CHST13: variants seen among roughly 807,000 people sequenced by gnomAD.
CHST13 encodes the protein C4ST-3.
A neutral mutation model predicts 7.0 loss-of-function variants in CHST13; 1 was observed. The observed-to-expected ratio is 0.14, with a 90% confidence interval of 0.05 to 0.68. CHST13 has a LOEUF of 0.68. Ranked by LOEUF, CHST13 falls within the 30% of genes least tolerant of loss-of-function variation. The probability of loss-of-function intolerance (pLI) is 0.82; values close to 1 mark genes in which losing one functional copy is unlikely to be tolerated. For synonymous variants in CHST13, 257 were observed against 240.9 expected (o/e 1.07, Z -0.62); for missense variants, 572 against 507.9 (o/e 1.13, Z -1.21).
At chr3:126,536,905 AC>A (rs1936806699) in intron 2 of CHST13, among the ~76,000 whole-genome samples, 2 of 150,568 alleles carry the variant, frequency 1.3e-5, no homozygotes, top group African/African-American at 4.9e-5. Context: ...AAACACACAC[AC>A]ACACACACAC....
Position 126,542,329 on chromosome 3 carries a change from C to A in CHST13, c.777C>A (p.Leu259=), listed in dbSNP as rs778097791. Residue 259 remains leucine (L), a synonymous_variant, in exon 3 of 3, where the codon CTC becomes CTA. Transcript: ENST00000319340. ...ACGCGCTCTGCCACCCGTGTCGCCT[C>A]CGCTACGACGTCGTGGGCAAGTTCG... ...RAHALCHPCR[L]RYDVVGKFET... is the part of the protein sequence containing the mutation. The A allele has an allele frequency of 6.4e-7, 1 of 1,567,992 alleles. No homozygotes were observed. Among genetic ancestry groups the A allele is most frequent in the East Asian group, 2.4e-5 (1 of 41,018 alleles).
chr3:126,534,714 G>A (rs1362681139), intron 1 of CHST13, among the ~76,000 whole-genome samples: 4 of 119,650 alleles, frequency 3.3e-5, no homozygotes, highest in African/African-American at 9.7e-5. Flanking sequence ...CCTCAGCCGG[G>A]AGACAGACAG....
chr3:126,532,649 A>G lies in CHST13; in HGVS notation c.98-3622A>G, dbSNP rs189014609. The stretch of plus-strand genomic sequence containing the variant: ...CTATATGTCTCTCCTAGCCAGCACC[A>G]CACAGTCTTGATTATTGTGGCTGTA... On this transcript the variant is annotated intron_variant, in intron 1 of 2. Coordinates refer to ENST00000319340, the MANE Select transcript of CHST13 (RefSeq NM_152889.3). Among the ~76,000 whole-genome samples the G allele has an allele frequency of 1.1e-3, 169 of 152,330 alleles. No individual in the cohort carries two copies. The Middle Eastern group carries it at 0.041, about 37-fold the overall frequency.
Position 126,542,443 on chromosome 3 carries a change from C to G in CHST13, c.891C>G (p.Ala297=), listed in dbSNP as rs1320604531. 1 of 1,559,758 alleles carries G rather than the reference C, an allele frequency of 6.4e-7. No individual in the cohort carries two copies. Among genetic ancestry groups the G allele is most frequent in the Non-Finnish European group, 8.7e-7 (1 of 1,155,142 alleles). Residue 297 remains alanine, a synonymous_variant, in exon 3 of 3, where the codon GCC becomes GCG. Transcript: ENST00000319340. ...SFPGPPRPRG[A]AASRDLAARL... is the part of the protein sequence containing the mutation. ...CTGGGCCGCCGCGGCCCCGGGGAGC[C>G]GCCGCCTCCCGCGACCTGGCAGCGC...
chr3:126,542,430 G>A lies in CHST13; in HGVS notation c.878G>A (p.Arg293Gln), dbSNP rs750305343. The A allele has an allele frequency of 1.3e-6, 2 of 1,555,202 alleles. No homozygotes were observed. Among genetic ancestry groups the A allele is most frequent in the East Asian group, 5.0e-5 (2 of 39,636 alleles). The change falls in exon 3 of 3, where the codon CGG becomes CAG. Residue 293 changes from arginine (R) to glutamine (Q), a missense_variant. Arg to Gln is a conservative substitution (Grantham distance 43). Transcript: ENST00000319340. ...ASDLSFPGPPRPRGAAASRDL... is the reference protein window; with the variant it reads ...ASDLSFPGPPQPRGAAASRDL... Reference sequence around the variant, plus strand: ...GACCTGAGCTTCCCTGGGCCGCCGCGGCCCCGGGGAGCCGCCGCCTCCCGC... The same window carrying A: ...GACCTGAGCTTCCCTGGGCCGCCGCAGCCCCGGGGAGCCGCCGCCTCCCGC...
intron 1 of CHST13, among the ~76,000 whole-genome samples, chr3:126,532,726 T>C (rs1936683676): frequency 1.3e-5 from 2 of 152,242 alleles, no homozygotes; most frequent in Non-Finnish European, 2.9e-5. Flanking sequence ...TGTTCTTTTT[T>C]GAGATTCTTT....
intron 1 of CHST13, 23 bp from the exon 2 acceptor site, chr3:126,536,248 C>T: frequency 1.2e-6 from 2 of 1,608,858 alleles, no homozygotes; most frequent in Non-Finnish European, 1.7e-6. Flanking sequence ...ATGGTGGCGA[C>T]ATCTCTCTCC....
At chr3:126,524,761 C>A (rs995378147) in intron 1 of CHST13, among the ~76,000 whole-genome samples, 1 of 152,194 alleles carries the variant, frequency 6.6e-6, no homozygotes, top group African/African-American at 2.4e-5. Flanking sequence ...ACCTTCACCC[C>A]CTTCCCCTGC....
At chr3:126,540,422 G>C (rs565123572) in intron 2 of CHST13, among the ~76,000 whole-genome samples, 1 of 152,302 alleles carries the variant, frequency 6.6e-6, no homozygotes, top group Admixed American at 6.5e-5. Flanking sequence ...AGTTCACTCA[G>C]GTTCTAGTTT....
intron 1 of CHST13, chr3:126,527,116 C>T (rs902861609): frequency 6.6e-6 from 1 of 152,362 alleles, no homozygotes; most frequent in Non-Finnish European, 1.5e-5. Flanking sequence ...ACTCCCGCGG[C>T]TGCAGGGCTG....
intron 1 of CHST13, among the ~76,000 whole-genome samples, chr3:126,534,013 G>A (rs1936712196): frequency 6.6e-6 from 1 of 152,112 alleles, no homozygotes; most frequent in Non-Finnish European, 1.5e-5. Context: ...GGCTACAATT[G>A]TTCAGAGTTC....
In CHST13 at chr3:126,539,626, C is replaced by G. The variant is rs867110351; in HGVS notation, c.181-2107C>G. Among the ~76,000 whole-genome samples the G allele has an allele frequency of 2.1e-4, 30 of 142,752 alleles. No individual in the cohort carries two copies. In the Middle Eastern group the frequency reaches 0.012, roughly 56 times the overall value. 93.7% of individuals were successfully genotyped at this position (142,752 alleles called of 152,430 possible). ...CACACTCCACACCACACACACAGCACACACACACCCCACACACCACACACA... is the reference window on the plus strand; with the variant it reads ...CACACTCCACACCACACACACAGCAGACACACACCCCACACACCACACACA... On this transcript the variant is annotated intron_variant, in intron 2 of 2. Coordinates refer to ENST00000319340, the MANE Select transcript of CHST13 (RefSeq NM_152889.3).
chr3:126,535,511 G>T (rs376024303), intron 1 of CHST13, among the ~76,000 whole-genome samples: 13,971 of 145,516 alleles, frequency 0.096, 1,186 homozygotes, highest in African/African-American at 0.22. Flanking sequence ...CAGTATCGCT[G>T]TCCTCAGCCG....
At chr3:126,532,582 T>C (rs1160212302) in intron 1 of CHST13, among the ~76,000 whole-genome samples, 1 of 152,234 alleles carries the variant, frequency 6.6e-6, no homozygotes, top group African/African-American at 2.4e-5. Flanking sequence ...TGACCACAAA[T>C]GTAAGGGTTT....
At chr3:126,536,881 TCACACACACACACAAACA>T (rs1936804277) in intron 2 of CHST13, among the ~76,000 whole-genome samples, 1 of 117,808 alleles carries the variant, frequency 8.5e-6, no homozygotes, top group African/African-American at 3.9e-5. Flanking sequence ...TCTCTCTTTC[TCACACACACACACAAACA>T]CACACACACA....
chr3:126,524,330 A>C lies in CHST13; in HGVS notation c.-3A>C, dbSNP rs933038903. 31 of 1,233,626 alleles carry C rather than the reference A, an allele frequency of 2.5e-5. No homozygotes were observed. In the East Asian group the frequency reaches 4.3e-4, roughly 17 times the overall value. 76.4% of individuals were successfully genotyped at this position (1,233,626 alleles called of 1,614,324 possible). A position where few individuals can be genotyped will look rare whatever the true frequency, so the allele number is the denominator to read the frequency against. On this transcript the variant is annotated 5_prime_UTR_variant, in exon 1 of 3. Transcript: ENST00000319340. ...CTGTCCTCCGCCGCGCGCCCGGCAC[A>C]GCATGGGGAGGCGCTGCTGCCGGCG... is the stretch of plus-strand genomic sequence containing the variant.
At chr3:126,537,351 C>T (rs1485368914) in intron 2 of CHST13, among the ~76,000 whole-genome samples, 1 of 152,112 alleles carries the variant, frequency 6.6e-6, no homozygotes, top group Non-Finnish European at 1.5e-5. Flanking sequence ...GCACGCAGGC[C>T]CTGCAGGTGT....
chr3:126,541,531 C>A (rs1225295946), intron 2 of CHST13, among the ~76,000 whole-genome samples: 1 of 152,192 alleles, frequency 6.6e-6, no homozygotes, highest in Admixed American at 6.5e-5. Context: ...AGTCAGAATC[C>A]GTTTCTCCCA....
At chr3:126,527,719 A>G (rs1936566508) in intron 1 of CHST13, 1 of 152,234 alleles carries the variant, frequency 6.6e-6, no homozygotes, top group Non-Finnish European at 1.5e-5. Flanking sequence ...AGGGAGGGGA[A>G]GTGGCTGCTG....
Sources: allele counts gnomAD v4.1 joint callset (sites outside exome capture counted in the v4.1 genomes callset), GRCh38; gene constraint gnomAD v4.1.1; transcripts MANE v1.5; gene names NCBI Gene and HGNC (gene_info 2026-07-23, HGNC 2026-07-21).